Variants in SPHKAP observed in about 807,000 individuals in gnomAD.
The protein encoded by SPHKAP is SPHK1 interactor, AKAP domain containing.
In SPHKAP, 67 loss-of-function variants were observed where a neutral mutation model predicts 137.5. The observed-to-expected ratio is 0.49, with a 90% CI of 0.40 to 0.60. The LOEUF is 0.60. SPHKAP is among the 20% of genes least tolerant of loss of function. The probability of loss-of-function intolerance (pLI) is 0.00; values close to 1 mark genes in which losing one functional copy is unlikely to be tolerated. For missense variants in SPHKAP, 2,097 were observed against 2,069.3 expected (o/e 1.01, Z -0.26); for synonymous variants, 813 against 785.3 (o/e 1.04, Z -0.59).
At chr2:228,089,065 C>T (rs1258815263) in intron 3 of SPHKAP, among the ~76,000 whole-genome samples, 1 of 152,146 alleles carries the variant, frequency 6.6e-6, no homozygotes, top group Non-Finnish European at 1.5e-5. Context: ...TGAGAGGGCT[C>T]AGAAGAAGAC....
At chr2:227,987,098 G>T (rs564288333) in intron 11 of SPHKAP, among the ~76,000 whole-genome samples, 3 of 152,294 alleles carry the variant, frequency 2.0e-5, no homozygotes, top group Admixed American at 1.3e-4. Context: ...CTGGAAGGAG[G>T]TCTCAAACTT....
chr2:228,160,495 G>A (rs910796042), intron 1 of SPHKAP, among the ~76,000 whole-genome samples: 2 of 152,136 alleles, frequency 1.3e-5, no homozygotes, highest in Admixed American at 6.5e-5. Context: ...GAGAAGCATC[G>A]AGCAAAGAGG....
chr2:228,049,633 G>A (rs1264648376), intron 3 of SPHKAP, among the ~76,000 whole-genome samples: 1 of 152,142 alleles, frequency 6.6e-6, no homozygotes, highest in African/African-American at 2.4e-5. Flanking sequence ...AGGTAGCTTT[G>A]TGAGCCCTTG....
intron 1 of SPHKAP, among the ~76,000 whole-genome samples, chr2:228,153,906 A>G (rs1161211844): frequency 6.6e-6 from 1 of 152,188 alleles, no homozygotes; most frequent in Non-Finnish European, 1.5e-5. Context: ...ACTTAATAAT[A>G]TTTGTGAGCA....
At chr2:228,004,924 G>T (rs1694066614) in intron 7 of SPHKAP, among the ~76,000 whole-genome samples, 1 of 152,178 alleles carries the variant, frequency 6.6e-6, no homozygotes, top group African/African-American at 2.4e-5. Context: ...CTGAGAGACA[G>T]TTTGTTATAA....
rs2106144724 is a variant in SPHKAP, at chr2:227,981,068, T to C, written c.*649A>G. The C allele has an allele frequency of 6.6e-6, 1 of 152,356 alleles. No homozygotes were observed. Among genetic ancestry groups the C allele is most frequent in the South Asian group, 2.1e-4 (1 of 4,828 alleles). 9.4% of individuals were successfully genotyped at this position (152,356 alleles called of 1,614,324 possible). On this transcript the variant is annotated 3_prime_UTR_variant, in exon 12 of 12. Coordinates refer to ENST00000392056, the MANE Select transcript of SPHKAP (RefSeq NM_001142644.2). ...CTTCAGTTGAATGACAATAGTTTTC[T>C]GCTTAGCTGGGAGTCCACATACTAT...
At chr2:228,138,853 G>A (rs1259210298) in intron 1 of SPHKAP, among the ~76,000 whole-genome samples, 1 of 152,082 alleles carries the variant, frequency 6.6e-6, no homozygotes, top group Non-Finnish European at 1.5e-5. Context: ...TTGTAATGGT[G>A]TAGCAAGAAA....
chr2:228,022,319 C>T, intron 5 of SPHKAP: 1 of 315,268 alleles, frequency 3.2e-6, no homozygotes, highest in Non-Finnish European at 4.6e-6. Context: ...TAAGTTGGAC[C>T]ACAACTCCAC....
chr2:228,036,231 C>T (rs1695587926), intron 3 of SPHKAP, among the ~76,000 whole-genome samples: 2 of 151,666 alleles, frequency 1.3e-5, no homozygotes, highest in African/African-American at 4.9e-5. Context: ...AGGATATGAA[C>T]AGACACTTCT....
intron 1 of SPHKAP, among the ~76,000 whole-genome samples, chr2:228,174,591 T>C (rs570576795): frequency 4.6e-5 from 7 of 152,330 alleles, no homozygotes; most frequent in South Asian, 2.1e-4. Flanking sequence ...AATATGACGC[T>C]GACTTCCAGT....
chr2:228,181,345 G>A lies in SPHKAP; in HGVS notation c.32+222C>T, dbSNP rs1446187856. Among the ~76,000 whole-genome samples the A allele has an allele frequency of 1.3e-5, 2 of 152,090 alleles. No homozygotes were observed. The highest frequency in any genetic ancestry group is 2.1e-4 in the South Asian group (1 of 4,822). ...GACCCCCAACCCGTGCCACTCCAGC[G>A]CACAGGCCCCACTCAGCATCGCGCC... On this transcript the variant is annotated intron_variant, in intron 1 of 11. Transcript: ENST00000392056. The surrounding 1 kb of genome is among the most constrained non-coding windows in gnomAD (Gnocchi z 4.3).
At chr2:228,169,527 T>G (rs1168269040) in intron 1 of SPHKAP, among the ~76,000 whole-genome samples, 1 of 152,142 alleles carries the variant, frequency 6.6e-6, no homozygotes, top group Non-Finnish European at 1.5e-5. Flanking sequence ...AGTTTGCTGT[T>G]TATTTTAAGC....
intron 3 of SPHKAP, among the ~76,000 whole-genome samples, chr2:228,100,847 G>A (rs1322485756): frequency 1.3e-5 from 2 of 152,094 alleles, no homozygotes; most frequent in African/African-American, 4.8e-5. Flanking sequence ...GTATCACAGT[G>A]ATGCTGGCTA....
chr2:228,014,939 C>A (rs1350477652), intron 7 of SPHKAP, among the ~76,000 whole-genome samples: 16 of 151,864 alleles, frequency 1.1e-4, no homozygotes, highest in African/African-American at 3.4e-4. Flanking sequence ...TATTATCATA[C>A]TTTAAGTTTT....
intron 3 of SPHKAP, among the ~76,000 whole-genome samples, chr2:228,093,213 T>C (rs1246479599): frequency 6.6e-6 from 1 of 152,196 alleles, no homozygotes; most frequent in East Asian, 1.9e-4. Flanking sequence ...TGGAAAACAG[T>C]TTGGCAGTTC....
intron 1 of SPHKAP, among the ~76,000 whole-genome samples, chr2:228,164,952 T>A (rs749830264): frequency 1.3e-5 from 2 of 152,196 alleles, no homozygotes; most frequent in Non-Finnish European, 2.9e-5. Flanking sequence ...ATTGTCTTTC[T>A]CTCCATTGGT....
intron 3 of SPHKAP, among the ~76,000 whole-genome samples, chr2:228,048,490 C>A (rs558301794): frequency 6.6e-6 from 1 of 152,226 alleles, no homozygotes; most frequent in African/African-American, 2.4e-5. Context: ...AGAACTGTTT[C>A]TTTGCTGAAG....
At position 228,018,260 on chromosome 2, in the gene SPHKAP, A is replaced by G. The variant is rs540816009; in HGVS notation, c.2594T>C (p.Val865Ala). The G allele has an allele frequency of 6.2e-7, 1 of 1,614,064 alleles. No homozygotes were observed. The highest frequency in any genetic ancestry group is 8.5e-7 in the Non-Finnish European group (1 of 1,179,996). The change falls in exon 7 of 12, where the codon GTC becomes GCC. Residue 865 changes from valine (V) to alanine (A), a missense_variant. Physicochemically the swap from Val to Ala is moderately conservative, Grantham distance 64. Coordinates refer to ENST00000392056, the MANE Select transcript of SPHKAP (RefSeq NM_001142644.2). The part of the protein sequence containing the change: ...ASSEGQRSPT[V>A]SQSRSGSQEA... The stretch of plus-strand genomic sequence containing the variant: ...CTGGGAACCACTTCTGGACTGGCTG[A>G]CCGTTGGGGACCTTTGTCCTTCGGA...
intron 3 of SPHKAP, among the ~76,000 whole-genome samples, chr2:228,033,971 T>C (rs1161529776): frequency 4.6e-5 from 7 of 152,036 alleles, no homozygotes; most frequent in Non-Finnish European, 7.4e-5. Context: ...TTAAAAGAAC[T>C]AGAAAAGCAA....
Sources: allele counts gnomAD v4.1 joint callset (sites outside exome capture counted in the v4.1 genomes callset), GRCh38; gene constraint gnomAD v4.1.1; non-coding constraint Gnocchi (gnomAD v3.1); transcripts MANE v1.5; gene names NCBI Gene and HGNC (gene_info 2026-07-23, HGNC 2026-07-21).